Variants in ZNF268 observed in about 807,000 individuals in gnomAD.
ZNF268 encodes zinc finger protein 268, also known as zinc finger protein 3.
In ZNF268, 20 loss-of-function variants were observed where a neutral mutation model predicts 29.3. That is an observed-to-expected ratio of 0.68 (90% CI 0.48 to 0.99). The LOEUF is 0.99. ZNF268 is among the 50% of genes least tolerant of loss of function. The pLI, the probability that ZNF268 is intolerant of heterozygous loss-of-function variation, is 0.00. For missense variants in ZNF268, 1,240 were observed against 1,121.6 expected, an observed-to-expected ratio of 1.11 and a Z score of -1.51; for synonymous variants, 429 against 376.9, an observed-to-expected ratio of 1.14 and a Z score of -1.60.
chr12:133,210,861 A>G lies in ZNF268; in HGVS notation c.*6331A>G, dbSNP rs1348902159. 2.2e-6 allele frequency: 1 copy of G among 456,060 alleles called. No individual in the cohort carries two copies. Among genetic ancestry groups the G allele is most frequent in the Non-Finnish European group, 4.4e-6 (1 of 226,806 alleles). The allele number at this position is 456,060 out of a possible 1,614,324, so 28.3% of individuals were successfully genotyped here. A position where few individuals can be genotyped will look rare whatever the true frequency, so the allele number is the denominator to read the frequency against. ...AGAATGCAGGTACTGCAAGCAGGCT[A>G]GACAAGGTGTGTGCTTGCACCCCTT... On this transcript the variant is annotated 3_prime_UTR_variant, in exon 6 of 6. Coordinates refer to ENST00000536435, the MANE Select transcript of ZNF268 (RefSeq NM_003415.3).
At position 133,207,283 on chromosome 12, in the gene ZNF268, C is replaced by G. The variant is rs528914162; in HGVS notation, c.*2753C>G. 1 of 150,328 alleles carries G rather than the reference C, an allele frequency of 6.7e-6. No individual in the cohort carries two copies. Among genetic ancestry groups the G allele is most frequent in the East Asian group, 2.0e-4 (1 of 5,120 alleles). 9.3% of individuals were successfully genotyped at this position (150,328 alleles called of 1,614,324 possible). On this transcript the variant is annotated 3_prime_UTR_variant, in exon 6 of 6. Transcript: ENST00000536435. ...GAAATTTAGGAGAAAAAATGACTTG[C>G]AAACCATATTTGTGAACATAGGTTT...
intron 5 of ZNF268, among the ~76,000 whole-genome samples, chr12:133,198,258 G>C (rs1327381911): frequency 1.1e-4 from 16 of 150,142 alleles, no homozygotes; most frequent in Admixed American, 2.6e-4. Context: ...CATATGGCTA[G>C]CCAGTTTTCC....
Position 133,211,099 on chromosome 12 carries a change from A to C in ZNF268, c.*6569A>C, listed in dbSNP as rs573322208. ...AAAGGCAAAGTAGATGGCCATAGAC[A>C]AAAGTCAAGTGATTTCCTATATATT... is the stretch of plus-strand genomic sequence containing the variant. On this transcript the variant is annotated 3_prime_UTR_variant, in exon 6 of 6. Coordinates refer to ENST00000536435, the MANE Select transcript of ZNF268 (RefSeq NM_003415.3). 1 of 440,902 alleles carries C rather than the reference A, an allele frequency of 2.3e-6. No homozygotes were observed. The highest frequency in any genetic ancestry group is 2.0e-5 in the African/African-American group (1 of 49,690). 27.3% of individuals were successfully genotyped at this position (440,902 alleles called of 1,614,324 possible). A position where few individuals can be genotyped will look rare whatever the true frequency, so the allele number is the denominator to read the frequency against.
rs1041833594 is a variant in ZNF268 at position 133,206,823 on chromosome 12, C to T, written c.*2293C>T. The T allele has an allele frequency of 1.3e-5, 2 of 152,172 alleles. No homozygotes were observed. Among genetic ancestry groups the T allele is most frequent in the Non-Finnish European group, 2.9e-5 (2 of 68,050 alleles). 9.4% of individuals were successfully genotyped at this position (152,172 alleles called of 1,614,324 possible). On this transcript the variant is annotated 3_prime_UTR_variant, in exon 6 of 6. Transcript: ENST00000536435. The stretch of plus-strand genomic sequence containing the variant: ...TTACATAAACAAATAATCGCAGATA[C>T]TTGCTAAAGTGTATCCCCCAATCTG...
In ZNF268 at chr12:133,210,109, C is replaced by G. The variant is rs1164521715; in HGVS notation, c.*5579C>G. 6.6e-6 allele frequency: 1 copy of G among 152,278 alleles called. No individual in the cohort carries two copies. Among genetic ancestry groups the G allele is most frequent in the East Asian group, 1.9e-4 (1 of 5,194 alleles). 9.4% of individuals were successfully genotyped at this position (152,278 alleles called of 1,614,324 possible). A position where few individuals can be genotyped will look rare whatever the true frequency, so the allele number is the denominator to read the frequency against. ...CAAAGTGAAACAGCAAAGCTCCCTCCTCAGCACTCAGGGTGCAGGCCTCAC... is the reference window on the plus strand; with the variant it reads ...CAAAGTGAAACAGCAAAGCTCCCTCGTCAGCACTCAGGGTGCAGGCCTCAC... On this transcript the variant is annotated 3_prime_UTR_variant, in exon 6 of 6. Coordinates refer to ENST00000536435, the MANE Select transcript of ZNF268 (RefSeq NM_003415.3).
rs146417755 is a variant in ZNF268, at chr12:133,213,863, G to A, written c.*9333G>A. 0.18 allele frequency: 27,660 copies of A among 152,096 alleles called. 3,235 individuals are homozygous for A. The highest frequency in any genetic ancestry group is 0.26 in the Non-Finnish European group (17,643 of 67,996). 9.4% of individuals were successfully genotyped at this position (152,096 alleles called of 1,614,324 possible). On this transcript the variant is annotated 3_prime_UTR_variant, in exon 6 of 6. Transcript: ENST00000536435. ...AAAATACAAAAAATTAGCCAGGCTG[G>A]TAGTGGAAGCCTGTAGTCCCAGCTA... is the stretch of plus-strand genomic sequence containing the variant.
intron 1 of ZNF268, 81 bp downstream of exon 1, chr12:133,181,767 G>T (rs925819900): frequency 2.3e-5 from 13 of 563,002 alleles, no homozygotes; most frequent in Admixed American, 3.0e-5. Context: ...CTGACCCGGG[G>T]CGGTTGCCTG....
intron 3 of ZNF268, 87 bp from the exon 4 acceptor site, chr12:133,191,402 A>T: frequency 1.3e-6 from 2 of 1,505,546 alleles, no homozygotes; most frequent in African/African-American, 1.4e-5. Context: ...TCACAAAGTT[A>T]AACATAAATA....
At chr12:133,195,279 G>C (rs1566373531) in intron 5 of ZNF268, among the ~76,000 whole-genome samples, 1 of 152,176 alleles carries the variant, frequency 6.6e-6, no homozygotes, top group Non-Finnish European at 1.5e-5. Flanking sequence ...CAATTCTCTT[G>C]GTGTATATTT....
In ZNF268 at chr12:133,187,891, G is replaced by GA; in HGVS notation, c.56dup (p.Asn19LysfsTer6). 6.3e-7 allele frequency: 1 copy of GA among 1,596,966 alleles called. No homozygotes were observed. The highest frequency in any genetic ancestry group is 8.5e-7 in the Non-Finnish European group (1 of 1,171,472). ...CCACAGGTCCCACCTCTCCAAGAAC[G>GA]AAACAGTTCATGGGATAGGATCAGA... On this transcript the variant is annotated frameshift_variant, in exon 3 of 6. Transcript: ENST00000536435. LOFTEE classifies it high-confidence loss of function.
chr12:133,184,611 T>G (rs1205684560), intron 2 of ZNF268: 2 of 361,304 alleles, frequency 5.5e-6, no homozygotes, highest in African/African-American at 5.0e-5. Context: ...ACCTCTTTAT[T>G]TATTTATTTA....
rs926052219 is a variant in ZNF268 at position 133,207,234 on chromosome 12, A to AT, written c.*2708dup. On this transcript the variant is annotated 3_prime_UTR_variant, in exon 6 of 6. Coordinates refer to ENST00000536435, the MANE Select transcript of ZNF268 (RefSeq NM_003415.3). ...AAATCCAAGGAAAAATAACCCCAAT[A>AT]TTTTACAACTTCCCCATCAAATAGA... The AT allele has an allele frequency of 4.5e-4, 69 of 152,328 alleles. No homozygotes were observed. Among genetic ancestry groups the AT allele is most frequent in the African/African-American group, 1.6e-3 (66 of 41,568 alleles). 9.4% of individuals were successfully genotyped at this position (152,328 alleles called of 1,614,324 possible). A position where few individuals can be genotyped will look rare whatever the true frequency, so the allele number is the denominator to read the frequency against.
chr12:133,203,094 A>G lies in ZNF268; in HGVS notation c.1408A>G (p.Lys470Glu), dbSNP rs1956795750. The G allele has an allele frequency of 1.3e-6, 2 of 1,537,528 alleles. No homozygotes were observed. The highest frequency in any genetic ancestry group is 1.7e-6 in the Non-Finnish European group (2 of 1,146,890). Residue 470 changes from lysine to glutamate, a missense_variant, in exon 6 of 6, where the codon AAG becomes GAG. By Grantham distance (56) the Lys-to-Glu change is moderately conservative. Transcript: ENST00000536435. ...ACATCAGGGGATTCACACAGGAGTA[A>G]AGCCCTATGGGTGTATTCAGTGTGG... ...IVHQGIHTGVKPYGCIQCGKG... is the reference protein window; with the variant it reads ...IVHQGIHTGVEPYGCIQCGKG...
intron 3 of ZNF268, among the ~76,000 whole-genome samples, chr12:133,189,302 C>T (rs1956403097): frequency 6.6e-6 from 1 of 150,754 alleles, no homozygotes; most frequent in Non-Finnish European, 1.5e-5. Flanking sequence ...GCAGCCTCTG[C>T]CTCCTGGGTT....
Position 133,203,951 on chromosome 12 carries a change from T to C in ZNF268, c.2265T>C (p.Ser755=), listed in dbSNP as rs1442708539. The C allele has an allele frequency of 6.3e-7, 1 of 1,594,416 alleles. No homozygotes were observed. The highest frequency in any genetic ancestry group is 1.7e-5 in the Admixed American group (1 of 57,308). Residue 755 remains serine, a synonymous_variant, in exon 6 of 6, where the codon AGT becomes AGC. Transcript: ENST00000536435. ...IHTGENPYEC[S]ECGKAFNRKD... ...CAGGAGAAAATCCCTATGAATGCAG[T>C]GAATGTGGGAAAGCCTTTAATAGGA...
chr12:133,185,875 A>G (rs913397025), intron 2 of ZNF268, among the ~76,000 whole-genome samples: 1 of 152,140 alleles, frequency 6.6e-6, no homozygotes, highest in Non-Finnish European at 1.5e-5. Context: ...TCTAAGAACC[A>G]GCATATGCTT....
chr12:133,182,050 C>T lies in ZNF268; in HGVS notation c.33+20C>T. On this transcript the variant is annotated intron_variant, in intron 2 of 5. Transcript: ENST00000536435. ...ATTTGGGTGAGTAGGGGTTTTCTTTCATTCTTGAAAAGCTCTCCCTGAATG... is the reference window on the plus strand; with the variant it reads ...ATTTGGGTGAGTAGGGGTTTTCTTTTATTCTTGAAAAGCTCTCCCTGAATG... The T allele has an allele frequency of 1.3e-6, 2 of 1,555,490 alleles. No individual in the cohort carries two copies. Among genetic ancestry groups the T allele is most frequent in the Non-Finnish European group, 1.7e-6 (2 of 1,149,074 alleles).
intron 5 of ZNF268, among the ~76,000 whole-genome samples, chr12:133,201,384 C>T (rs983803950): frequency 4.6e-5 from 7 of 151,758 alleles, no homozygotes; most frequent in African/African-American, 1.7e-4. Flanking sequence ...CATTTCTTTT[C>T]TTGGAGCAAC....
At chr12:133,186,772 A>G (rs1272119827) in intron 2 of ZNF268, among the ~76,000 whole-genome samples, 1 of 152,210 alleles carries the variant, frequency 6.6e-6, no homozygotes, top group Non-Finnish European at 1.5e-5. Flanking sequence ...GATATGTGCT[A>G]TGACAAGCAT....
Sources: gnomAD v4.1 joint callset for allele counts (sites outside exome capture counted in the v4.1 genomes callset) on GRCh38, gnomAD v4.1.1 for gene constraint, MANE v1.5 for transcripts, NCBI Gene and HGNC (gene_info 2026-07-23, HGNC 2026-07-21) for gene names.